AGBL2: variants seen among roughly 807,000 people sequenced by gnomAD.
The protein encoded by AGBL2 is cytosolic carboxypeptidase 2.
A neutral mutation model predicts 103.0 loss-of-function variants in AGBL2; 87 were observed. The ratio of observed to expected loss-of-function variants is 0.84; its 90% CI spans 0.71 to 1.01. AGBL2 has a LOEUF of 1.01. AGBL2 is among the 50% of genes least tolerant of loss of function. The probability of loss-of-function intolerance (pLI) is 0.00; values close to 1 mark genes in which losing one functional copy is unlikely to be tolerated. For synonymous variants in AGBL2, 335 were observed against 356.7 expected (o/e 0.94, Z 0.69); for missense variants, 904 against 1,023.5 (o/e 0.88, Z 1.59).
chr11:47,666,844 T>C, intron 17 of AGBL2, 112 bp downstream of exon 17: 2 of 748,666 alleles, frequency 2.7e-6, no homozygotes, highest in Non-Finnish European at 4.7e-6. Flanking sequence ...AGTGGCACTG[T>C]CAGGTTAGGG....
At chr11:47,676,551 G>A (rs1170501441) in intron 14 of AGBL2, among the ~76,000 whole-genome samples, 2 of 152,304 alleles carry the variant, frequency 1.3e-5, no homozygotes, top group African/African-American at 2.4e-5. Flanking sequence ...CGGACGCGGC[G>A]GCTCACGCCT....
At chr11:47,670,602 T>C (rs2097354429) in intron 14 of AGBL2, among the ~76,000 whole-genome samples, 1 of 151,198 alleles carries the variant, frequency 6.6e-6, no homozygotes, top group Admixed American at 6.6e-5. Context: ...ATGACTATAA[T>C]CCCCACACTT....
intron 11 of AGBL2, among the ~76,000 whole-genome samples, chr11:47,684,573 A>G (rs1282562872): frequency 6.6e-6 from 1 of 151,186 alleles, no homozygotes; most frequent in Non-Finnish European, 1.5e-5. Context: ...AAAAATAAGG[A>G]GAAGAAAAAA....
chr11:47,710,908 T>C, intron 3 of AGBL2: 1 of 222,712 alleles, frequency 4.5e-6, no homozygotes, highest in Non-Finnish European at 8.4e-6. Flanking sequence ...AGATCCTGTC[T>C]CAAAAAAAAA....
intron 14 of AGBL2, among the ~76,000 whole-genome samples, chr11:47,675,199 C>CT (rs34012734): frequency 1.7e-3 from 98 of 58,192 alleles, no homozygotes; most frequent in Middle Eastern, 0.015. Context: ...TCCCACCAGT[C>CT]TTTTTTTTTT....
chr11:47,660,495 A>G, intron 18 of AGBL2, 149 bp from the exon 19 acceptor site: 1 of 719,540 alleles, frequency 1.4e-6, no homozygotes, highest in Non-Finnish European at 2.2e-6. Context: ...ATGTTACAGA[A>G]CAGAGGTGAA....
At position 47,699,408 on chromosome 11, in the gene AGBL2, C is replaced by T. The variant is rs182931632; in HGVS notation, c.694+38G>A. 3.5e-3 allele frequency: 3,813 copies of T among 1,082,358 alleles called. 27 individuals carry two copies. Among genetic ancestry groups the T allele is most frequent in the Non-Finnish European group, 3.7e-3 (2,701 of 732,030 alleles). 67.0% of individuals were successfully genotyped at this position (1,082,358 alleles called of 1,614,324 possible). A position where few individuals can be genotyped will look rare whatever the true frequency, so the allele number is the denominator to read the frequency against. The stretch of plus-strand genomic sequence containing the variant: ...GAACATATGTTTATTATAACTTTGT[C>T]ATGATTAACCATTCATTGTTCAGTG... On this transcript the variant is annotated intron_variant, in intron 8 of 18. Transcript: ENST00000525123.
intron 3 of AGBL2, among the ~76,000 whole-genome samples, chr11:47,712,284 G>A (rs996394280): frequency 3.9e-5 from 6 of 151,950 alleles, no homozygotes; most frequent in African/African-American, 1.5e-4. Flanking sequence ...TGTAGATAAG[G>A]GGGGACTAAT....
chr11:47,665,783 G>C (rs1305254229), intron 17 of AGBL2, among the ~76,000 whole-genome samples: 1 of 152,000 alleles, frequency 6.6e-6, no homozygotes. Flanking sequence ...GCTGAGGCAG[G>C]CGGATCACCT....
intron 7 of AGBL2, among the ~76,000 whole-genome samples, chr11:47,700,631 T>A (rs1001740603): frequency 6.6e-6 from 1 of 152,042 alleles, no homozygotes; most frequent in Non-Finnish European, 1.5e-5. Flanking sequence ...AACATTTCCT[T>A]TACGGAACTT....
At chr11:47,699,895 A>T (rs953698539) in intron 7 of AGBL2, among the ~76,000 whole-genome samples, 6 of 151,982 alleles carry the variant, frequency 3.9e-5, no homozygotes, top group Admixed American at 2.0e-4. Flanking sequence ...CATTAACATA[A>T]TTTTTTTTAT....
intron 12 of AGBL2, among the ~76,000 whole-genome samples, chr11:47,681,352 A>T (rs1464422969): frequency 6.6e-6 from 1 of 151,978 alleles, no homozygotes; most frequent in Non-Finnish European, 1.5e-5. Context: ...AATAAAAATT[A>T]AAAAAAGAAA....
intron 14 of AGBL2, among the ~76,000 whole-genome samples, chr11:47,674,499 G>A (rs2097367831): frequency 6.7e-6 from 1 of 149,918 alleles, no homozygotes; most frequent in Non-Finnish European, 1.5e-5. Flanking sequence ...CCTGGGAAGC[G>A]GAGGTTGCAG....
At chr11:47,660,733 T>A (rs1408752993) in intron 18 of AGBL2, among the ~76,000 whole-genome samples, 1 of 151,998 alleles carries the variant, frequency 6.6e-6, no homozygotes, top group Non-Finnish European at 1.5e-5. Context: ...TTTTTGTATT[T>A]TTAGTAGAGA....
intron 10 of AGBL2, among the ~76,000 whole-genome samples, chr11:47,688,897 G>A (rs975189931): frequency 2.0e-5 from 3 of 151,966 alleles, no homozygotes; most frequent in Non-Finnish European, 4.4e-5. Context: ...CATCATGCCC[G>A]GCTAATTTTT....
intron 13 of AGBL2, among the ~76,000 whole-genome samples, chr11:47,678,589 C>T (rs2153803463): frequency 6.6e-6 from 1 of 151,534 alleles, no homozygotes; most frequent in East Asian, 2.0e-4. Context: ...CAGCCTTAGC[C>T]TCCCAAAGTG....
intron 13 of AGBL2, among the ~76,000 whole-genome samples, chr11:47,677,849 G>C (rs770725811): frequency 1.2e-4 from 19 of 152,162 alleles, no homozygotes; most frequent in Non-Finnish European, 2.8e-4. Context: ...ACCCCTGCTA[G>C]TAAGGACATG....
rs2097449980 is a variant in AGBL2, at chr11:47,692,140, T to C, written c.811A>G (p.Arg271Gly). ...TTTTGCAGATTCCCACTCTCAAACC[T>C]TGATTCAAACAGTAGAGTATTATCT... The part of the protein sequence containing the change: ...PEDNTLLFES[R>G]FESGNLQKAV... The change falls in exon 9 of 19, where the codon AGG becomes GGG. Residue 271 changes from arginine to glycine, a missense_variant. Coordinates refer to ENST00000525123, the MANE Select transcript of AGBL2 (RefSeq NM_024783.4). 6.2e-7 allele frequency: 1 copy of C among 1,612,944 alleles called. No individual in the cohort carries two copies.
chr11:47,680,393 G>A (rs1473441542), intron 12 of AGBL2, among the ~76,000 whole-genome samples: 1 of 151,974 alleles, frequency 6.6e-6, no homozygotes, highest in Non-Finnish European at 1.5e-5. Context: ...TCCGGGAGGT[G>A]GAGCTTGCAA....
Sources: gnomAD v4.1 joint callset for allele counts (sites outside exome capture counted in the v4.1 genomes callset) on GRCh38, gnomAD v4.1.1 for gene constraint, MANE v1.5 for transcripts, NCBI Gene and HGNC (gene_info 2026-07-23, HGNC 2026-07-21) for gene names.